Variants in PTPRJ observed in about 807,000 individuals in gnomAD.
The protein encoded by PTPRJ is receptor-type tyrosine-protein phosphatase eta.
In PTPRJ, 129 loss-of-function variants were observed where a neutral mutation model predicts 141.3. The ratio of observed to expected loss-of-function variants is 0.91; its 90% CI spans 0.79 to 1.06. The LOEUF is 1.06. PTPRJ is among the 50% of genes least tolerant of loss of function. PTPRJ has a pLI of 0.00. For missense variants in PTPRJ, 1,601 were observed against 1,679.7 expected (o/e 0.95, Z 0.82); for synonymous variants, 610 against 640.5 (o/e 0.95, Z 0.72).
chr11:48,164,035 C>T (rs1857851269), intron 23 of PTPRJ, among the ~76,000 whole-genome samples: 1 of 152,158 alleles, frequency 6.6e-6, no homozygotes. Flanking sequence ...TAATTTAGGA[C>T]AGAAGACAGG....
chr11:48,082,939 G>A (rs1045571432), intron 1 of PTPRJ, among the ~76,000 whole-genome samples: 4 of 152,272 alleles, frequency 2.6e-5, no homozygotes, highest in South Asian at 2.1e-4. Context: ...AGGGGTTGCA[G>A]AAGTGATAAT....
chr11:48,123,852 G>A lies in PTPRJ; in HGVS notation c.856G>A (p.Gly286Ser). The change falls in exon 5 of 25, where the codon GGC (glycine) becomes AGC (serine). Residue 286 changes from glycine (G) to serine (S), a missense_variant. Gly to Ser is a moderately conservative substitution (Grantham distance 56, BLOSUM62 0). Transcript: ENST00000418331. ...QSNKTKGDPL[G>S]TEGGLDASNT... is the part of the protein sequence containing the mutation. ...AAATAAGACAAAGGGAGACCCCTTG[G>A]GCACAGAAGGTGGCTTGGGTGAGTT... The A allele has an allele frequency of 1.2e-6, 2 of 1,614,000 alleles. No homozygotes were observed. The highest frequency in any genetic ancestry group is 1.7e-6 in the Non-Finnish European group (2 of 1,179,922).
intron 1 of PTPRJ, among the ~76,000 whole-genome samples, chr11:48,076,044 A>G (rs1855391735): frequency 6.6e-6 from 1 of 152,182 alleles, no homozygotes; most frequent in South Asian, 2.1e-4. Context: ...CCAGCCAGGT[A>G]TACTTTCTCT....
rs143660055 is a variant in PTPRJ, at chr11:48,144,709, G to A, written c.2610G>A (p.Thr870=). 59 of 1,614,004 alleles carry A rather than the reference G, an allele frequency of 3.7e-5. No homozygotes were observed. Among genetic ancestry groups the A allele is most frequent in the African/African-American group, 3.5e-4 (26 of 75,044 alleles). ...CTTCTGCAGATGTCCTGAAATACAC[G>A]TATGAGGATTTCAAAAAGGGAGCCT... ...GHPSADVLKY[T]YEDFKKGASD... The change falls in exon 13 of 25, where the codon ACG becomes ACA. Residue 870 remains threonine, a synonymous_variant. Coordinates refer to ENST00000418331, the MANE Select transcript of PTPRJ (RefSeq NM_002843.4).
intron 6 of PTPRJ, among the ~76,000 whole-genome samples, chr11:48,127,126 C>T (rs530757515): frequency 2.6e-5 from 4 of 152,314 alleles, no homozygotes; most frequent in South Asian, 2.1e-4. Flanking sequence ...TAGTGGAACC[C>T]GGTCACAGCC....
At position 48,167,645 on chromosome 11, in the gene PTPRJ, A is replaced by G. The variant is rs1857949931; in HGVS notation, c.*283A>G. On this transcript the variant is annotated 3_prime_UTR_variant, in exon 25 of 25. Transcript: ENST00000418331. ...TTGAGGATTGTGGAAAACCAGGAAA[A>G]GGGAGCTATGATTTTTTTTTCCAAA... 2 of 297,562 alleles carry G rather than the reference A, an allele frequency of 6.7e-6. No homozygotes were observed. Among genetic ancestry groups the G allele is most frequent in the Admixed American group, 5.0e-5 (1 of 20,008 alleles). 18.4% of individuals were successfully genotyped at this position (297,562 alleles called of 1,614,324 possible). A position where few individuals can be genotyped will look rare whatever the true frequency, so the allele number is the denominator to read the frequency against.
At chr11:48,093,759 T>TA (rs1319604553) in intron 1 of PTPRJ, among the ~76,000 whole-genome samples, 20 of 148,934 alleles carry the variant, frequency 1.3e-4, no homozygotes, top group African/African-American at 4.7e-4. Flanking sequence ...GGGTTTCTTA[T>TA]AAAATGTAAT....
Position 48,003,213 on chromosome 11 carries a change from C to T in PTPRJ, c.96+22205C>T, listed in dbSNP as rs145072899. On this transcript the variant is annotated intron_variant, in intron 1 of 24. Transcript: ENST00000418331. ...ATGGATGTACTATAATTCATTTAGCCTTTTTCGTATTTAGAGATTTAAGCA... is the reference window on the plus strand; with the variant it reads ...ATGGATGTACTATAATTCATTTAGCTTTTTTCGTATTTAGAGATTTAAGCA... 7.9e-5 allele frequency among the ~76,000 whole-genome samples: 12 copies of T among 152,236 alleles called. No individual in the cohort carries two copies. The East Asian group carries it at 1.7e-3, about 22-fold the overall frequency.
In PTPRJ at chr11:48,163,587, C is replaced by T; in HGVS notation, c.3688C>T (p.Pro1230Ser). The change falls in exon 23 of 25, where the codon CCT becomes TCT. Residue 1230 changes from proline to serine, a missense_variant. By Grantham distance (74) the Pro-to-Ser change is moderately conservative (BLOSUM62 -1). Transcript: ENST00000418331. ...CGTTCGTGACTACATGAAGCAGAGT[C>T]CTCCCGAATCGCCGATTCTGGTGCA... is the stretch of plus-strand genomic sequence containing the variant. The part of the protein sequence containing the change: ...YLVRDYMKQS[P>S]PESPILVHCS... 6.2e-7 allele frequency: 1 copy of T among 1,614,000 alleles called. No homozygotes were observed. Among genetic ancestry groups the T allele is most frequent in the Non-Finnish European group, 8.5e-7 (1 of 1,179,868 alleles).
intron 1 of PTPRJ, among the ~76,000 whole-genome samples, chr11:47,989,942 A>G (rs1304776880): frequency 1.3e-5 from 2 of 152,194 alleles, no homozygotes; most frequent in East Asian, 3.8e-4. Context: ...TGCTAATAAT[A>G]GGAGTACCTC....
In PTPRJ at chr11:47,989,172, C is replaced by T. The variant is rs186305611; in HGVS notation, c.96+8164C>T. Among the ~76,000 whole-genome samples, 105 of 150,600 alleles carry T rather than the reference C, an allele frequency of 7.0e-4. 1 individual carries two copies. In the South Asian group the frequency reaches 8.0e-3, roughly 11 times the overall value. On this transcript the variant is annotated intron_variant, in intron 1 of 24. Transcript: ENST00000418331. Reference sequence around the variant, plus strand: ...TGCTGGGATTACAGGTGTGAGCCACCGCGCCTGGCCGTATCTTGTTATTTT... The same window carrying T: ...TGCTGGGATTACAGGTGTGAGCCACTGCGCCTGGCCGTATCTTGTTATTTT...
At chr11:48,063,991 A>AT (rs140337584) in intron 1 of PTPRJ, among the ~76,000 whole-genome samples, 4,446 of 146,618 alleles carry the variant, frequency 0.03, 221 homozygotes, top group African/African-American at 0.1. Flanking sequence ...ATTCTCAGTG[A>AT]TTTTTTTTTT....
intron 1 of PTPRJ, among the ~76,000 whole-genome samples, chr11:48,051,418 G>T (rs1015453501): frequency 1.5e-4 from 23 of 152,070 alleles, no homozygotes; most frequent in African/African-American, 5.1e-4. Flanking sequence ...TTTATTTAGA[G>T]GAAGTCACTT....
In PTPRJ at chr11:48,117,239, C is replaced by A. The variant is rs114711173; in HGVS notation, c.353-3764C>A. Among the ~76,000 whole-genome samples, 849 of 152,114 alleles carry A rather than the reference C, an allele frequency of 5.6e-3. 12 individuals are homozygous for A. Among genetic ancestry groups the A allele is most frequent in the African/African-American group, 0.02 (822 of 41,518 alleles). On this transcript the variant is annotated intron_variant, in intron 3 of 24. Coordinates refer to ENST00000418331, the MANE Select transcript of PTPRJ (RefSeq NM_002843.4). Reference sequence around the variant, plus strand: ...CAAGAAAGTTGACAGCAATAAACTCCTACATCAAAAAAGAAAGCTCCCTGG... The same window carrying A: ...CAAGAAAGTTGACAGCAATAAACTCATACATCAAAAAAGAAAGCTCCCTGG...
At chr11:48,090,890 G>T (rs1855852706) in intron 1 of PTPRJ, among the ~76,000 whole-genome samples, 1 of 152,068 alleles carries the variant, frequency 6.6e-6, no homozygotes, top group Non-Finnish European at 1.5e-5. Context: ...TGTCCTGGTG[G>T]TGCATCTGCC....
intron 12 of PTPRJ, among the ~76,000 whole-genome samples, chr11:48,143,705 G>A (rs950054143): frequency 1.3e-5 from 2 of 152,056 alleles, no homozygotes; most frequent in African/African-American, 4.8e-5. Flanking sequence ...GAGTCTCTTC[G>A]GTAGCTGTGT....
At chr11:48,023,165 G>A (rs1853703702) in intron 1 of PTPRJ, among the ~76,000 whole-genome samples, 1 of 152,166 alleles carries the variant, frequency 6.6e-6, no homozygotes, top group African/African-American at 2.4e-5. Flanking sequence ...GGAGAAAAAT[G>A]AGTGTCTTAA....
intron 1 of PTPRJ, among the ~76,000 whole-genome samples, chr11:48,046,889 C>CATATATATATATATAT (rs1243672838): frequency 2.6e-5 from 2 of 76,898 alleles, no homozygotes; most frequent in African/African-American, 8.4e-5. Flanking sequence ...AATATGTTTA[C>CATATATATATATATAT]ATATATATAT....
At chr11:48,132,504 G>A (rs1283294061) in intron 8 of PTPRJ, 1 of 982,730 alleles carries the variant, frequency 1.0e-6, no homozygotes. Flanking sequence ...TTTTGGAAAG[G>A]TTGAAAAACA....
Sources: gnomAD v4.1 joint callset for allele counts (sites outside exome capture counted in the v4.1 genomes callset) on GRCh38, gnomAD v4.1.1 for gene constraint, MANE v1.5 for transcripts, NCBI Gene and HGNC (gene_info 2026-07-23, HGNC 2026-07-21) for gene names.